The following ZNF594 variants were observed in gnomAD, a reference collection of about 807,000 sequenced individuals.
ZNF594 encodes the protein zinc finger protein 594, also known as zinc finger protein HZF18.
For synonymous variants in ZNF594, 336 were observed against 309.4 expected (o/e 1.09, Z -0.90); for missense variants, 1,037 against 964.6 (o/e 1.08, Z -0.99).
downstream of ZNF594, among the ~76,000 whole-genome samples, chr17:5,177,120 A>G (rs537556926): frequency 7.3e-5 from 11 of 151,536 alleles, no homozygotes; most frequent in East Asian, 9.7e-4. Flanking sequence ...GGCCTGAACC[A>G]GGGAGGCGGC....
intron 1 of ZNF594, among the ~76,000 whole-genome samples, chr17:5,187,905 T>TA (rs1555610760): frequency 2.0e-5 from 3 of 148,968 alleles, no homozygotes; most frequent in Admixed American, 6.7e-5. Flanking sequence ...TTTTTTTTTT[T>TA]AGAGATATGG....
chr17:5,176,283 T>C (rs1305838619), downstream of ZNF594, among the ~76,000 whole-genome samples: 1 of 149,800 alleles, frequency 6.7e-6, no homozygotes, highest in Non-Finnish European at 1.5e-5. Flanking sequence ...TAATCCCAGC[T>C]ACTTGGGAGG....
In ZNF594 at chr17:5,182,535, A is replaced by G. The variant is rs760277885; in HGVS notation, c.1722T>C (p.Gly574=). The G allele has an allele frequency of 3.1e-6, 5 of 1,613,452 alleles. No homozygotes were observed. The highest frequency in any genetic ancestry group is 4.2e-6 in the Non-Finnish European group (5 of 1,179,886). Residue 574 remains glycine, a synonymous_variant, in exon 2 of 2, where the codon GGT becomes GGC. Transcript: ENST00000575779. Reference sequence around the variant, plus strand: ...GGTCTGAGCTGCCCTGGAAAGCCCTACCACACTGATTACACCAATAAGCTT... The same window carrying G: ...GGTCTGAGCTGCCCTGGAAAGCCCTGCCACACTGATTACACCAATAAGCTT... ...EAKAYWCNQC[G]RAFQGSSDLI...
At chr17:5,178,206 C>A (rs184465443), downstream of ZNF594, among the ~76,000 whole-genome samples, 11 of 150,878 alleles carry the variant, frequency 7.3e-5, no homozygotes, top group Non-Finnish European at 1.6e-4. Context: ...ATGAATTAAA[C>A]CACATATGGA....
rs1337495159 is a variant in ZNF594, at chr17:5,183,316, T to C, written c.941A>G (p.Gln314Arg). Reference sequence around the variant, plus strand: ...GGGTTTCTCTCCACTGTGGAGTCTCTGGTGTTCAGTAAGGTGAGAATGCTG... The same window carrying C: ...GGGTTTCTCTCCACTGTGGAGTCTCCGGTGTTCAGTAAGGTGAGAATGCTG... ...FRQHSHLTEH[Q>R]RLHSGEKPYE... The change falls in exon 2 of 2, where the codon CAG (glutamine) becomes CGG (arginine). Residue 314 changes from glutamine to arginine, a missense_variant. Coordinates refer to ENST00000575779, the MANE Select transcript of ZNF594 (RefSeq NM_032530.2). The C allele has an allele frequency of 3.1e-6, 5 of 1,614,038 alleles. No homozygotes were observed. The highest frequency in any genetic ancestry group is 1.1e-5 in the South Asian group (1 of 91,082).
At position 5,181,677 on chromosome 17, in the gene ZNF594, A is replaced by ACAAG; in HGVS notation, c.*152_*155dup. Reference sequence around the variant, plus strand: ...TCCAGTGTGGATTTTCTGGTGTGTGACAAGGTGGGACCTCTGGCTAAAGAC... The same window carrying ACAAG: ...TCCAGTGTGGATTTTCTGGTGTGTGACAAGCAAGGTGGGACCTCTGGCTAAAGAC... On this transcript the variant is annotated 3_prime_UTR_variant, in exon 2 of 2. Transcript: ENST00000575779. 6.4e-7 allele frequency: 1 copy of ACAAG among 1,572,372 alleles called. No homozygotes were observed. The highest frequency in any genetic ancestry group is 8.8e-7 in the Non-Finnish European group (1 of 1,142,472).
Position 5,182,117 on chromosome 17 carries a change from C to T in ZNF594, c.2140G>A (p.Gly714Arg), listed in dbSNP as rs1309284673. The change falls in exon 2 of 2, where the codon GGG (glycine) becomes AGG (arginine). Residue 714 changes from glycine (G) to arginine (R), a missense_variant. By Grantham distance (125) the Gly-to-Arg change is moderately radical. Transcript: ENST00000575779. ...GCCGTGTGCCACATGAAGAGTTTCC[C>T]ACATTCCTTACATTCATAGGGTTTC... ...GEKPYECKEC[G>R]KLFMWHTAFL... 9.3e-6 allele frequency: 15 copies of T among 1,613,630 alleles called. No individual in the cohort carries two copies. The highest frequency in any genetic ancestry group is 1.1e-5 in the Non-Finnish European group (13 of 1,179,996).
At chr17:5,176,561 T>C (rs560362117), downstream of ZNF594, among the ~76,000 whole-genome samples, 1 of 151,366 alleles carries the variant, frequency 6.6e-6, no homozygotes, top group Admixed American at 6.6e-5. Flanking sequence ...TTTTTTTTTT[T>C]AAATAGAGAC....
chr17:5,178,633 A>G (rs80247870), downstream of ZNF594, among the ~76,000 whole-genome samples: 4,958 of 152,286 alleles, frequency 0.033, 273 homozygotes, highest in African/African-American at 0.11. Context: ...CACTAACTAC[A>G]TAAGTATGTA....
In ZNF594 at chr17:5,181,568, A is replaced by G. The variant is rs750193900; in HGVS notation, c.*265T>C. 5 of 1,613,666 alleles carry G rather than the reference A, an allele frequency of 3.1e-6. No individual in the cohort carries two copies. The South Asian group carries it at 3.3e-5, about 11-fold the overall frequency. Reference sequence around the variant, plus strand: ...ATTCCTTACATTCATAGGGTTTCTCACCACTATGAATTCTCCGACGTTGAA... The same window carrying G: ...ATTCCTTACATTCATAGGGTTTCTCGCCACTATGAATTCTCCGACGTTGAA... On this transcript the variant is annotated 3_prime_UTR_variant, in exon 2 of 2. Coordinates refer to ENST00000575779, the MANE Select transcript of ZNF594 (RefSeq NM_032530.2).
chr17:5,182,331 G>T lies in ZNF594; in HGVS notation c.1926C>A (p.His642Gln), dbSNP rs764886268. 6.2e-7 allele frequency: 1 copy of T among 1,613,340 alleles called. No individual in the cohort carries two copies. Among genetic ancestry groups the T allele is most frequent in the East Asian group, 2.2e-5 (1 of 44,810 alleles). ...SFRGSSDLIKHHRIHTGEKPY... is the reference protein window; with the variant it reads ...SFRGSSDLIKQHRIHTGEKPY... ...GTTTCTCTCCAGTATGAATACGATGGTGTTTAATAAGATCTGAGCTACCCC... is the reference window on the plus strand; with the variant it reads ...GTTTCTCTCCAGTATGAATACGATGTTGTTTAATAAGATCTGAGCTACCCC... Residue 642 changes from histidine to glutamine, a missense_variant, in exon 2 of 2, where the codon CAC becomes CAA. By Grantham distance (24) the His-to-Gln change is conservative. Coordinates refer to ENST00000575779, the MANE Select transcript of ZNF594 (RefSeq NM_032530.2).
downstream of ZNF594, among the ~76,000 whole-genome samples, chr17:5,178,034 T>C (rs1410024397): frequency 6.6e-6 from 1 of 150,988 alleles, no homozygotes; most frequent in Non-Finnish European, 1.5e-5. Flanking sequence ...TTTCTCAGAC[T>C]CTTCCAAAGA....
intron 1 of ZNF594, among the ~76,000 whole-genome samples, chr17:5,189,830 G>C (rs1228114112): frequency 6.6e-6 from 1 of 152,128 alleles, no homozygotes; most frequent in Non-Finnish European, 1.5e-5. Context: ...AAACAAATTA[G>C]ATTAGAAAAC....
chr17:5,183,829 A>C lies in ZNF594; in HGVS notation c.428T>G (p.Ile143Ser), dbSNP rs1248714925. The C allele has an allele frequency of 6.2e-7, 1 of 1,614,120 alleles. No individual in the cohort carries two copies. Among genetic ancestry groups the C allele is most frequent in the Admixed American group, 1.7e-5 (1 of 60,024 alleles). Residue 143 changes from isoleucine to serine, a missense_variant, in exon 2 of 2, where the codon ATC becomes AGC. Ile to Ser is a moderately radical substitution (Grantham distance 142). Coordinates refer to ENST00000575779, the MANE Select transcript of ZNF594 (RefSeq NM_032530.2). The stretch of plus-strand genomic sequence containing the variant: ...TCCTGTATGAATTCTCTGATGTATG[A>C]TCAGGTTTGAACTCCTGTTGAAGGT... ...EKTFNRSSNL[I>S]IHQRIHTGNK...
In ZNF594 at chr17:5,183,332, G is replaced by A; in HGVS notation, c.925C>T (p.His309Tyr). The A allele has an allele frequency of 3.1e-6, 5 of 1,613,782 alleles. No individual in the cohort carries two copies. Among genetic ancestry groups the A allele is most frequent in the Admixed American group, 1.7e-5 (1 of 60,006 alleles). The change falls in exon 2 of 2, where the codon CAC becomes TAC. Residue 309 changes from histidine to tyrosine, a missense_variant. His to Tyr is a moderately conservative substitution (Grantham distance 83). Transcript: ENST00000575779. ...ECEKAFRQHSHLTEHQRLHSG... is the reference protein window; with the variant it reads ...ECEKAFRQHSYLTEHQRLHSG... ...TGGAGTCTCTGGTGTTCAGTAAGGT[G>A]AGAATGCTGCCTGAAGGCTTTTTCA...
chr17:5,184,683 G>T (rs954896277), intron 1 of ZNF594, among the ~76,000 whole-genome samples: 6 of 152,182 alleles, frequency 3.9e-5, no homozygotes, highest in African/African-American at 1.4e-4. Flanking sequence ...AAGTTGATCT[G>T]CTAGCAGCCA....
Position 5,186,120 on chromosome 17 carries a change from G to A in ZNF594, c.-20-1844C>T, listed in dbSNP as rs116019886. 2.2e-3 allele frequency among the ~76,000 whole-genome samples: 341 copies of A among 152,254 alleles called. 1 individual carries two copies. The highest frequency in any genetic ancestry group is 7.8e-3 in the African/African-American group (324 of 41,544). The stretch of plus-strand genomic sequence containing the variant: ...AGTAGGGACTCCATATGGTGGCTTC[G>A]ACCCCACATTTCCCTTCTGCAGTGC... On this transcript the variant is annotated intron_variant, in intron 1 of 1. Coordinates refer to ENST00000575779, the MANE Select transcript of ZNF594 (RefSeq NM_032530.2).
At chr17:5,185,703 T>C (rs1245825033) in intron 1 of ZNF594, among the ~76,000 whole-genome samples, 2 of 152,226 alleles carry the variant, frequency 1.3e-5, no homozygotes, top group Admixed American at 6.5e-5. Context: ...AAAAGCAAGC[T>C]AGTTACTTCC....
chr17:5,184,377 C>A (rs1005935190), intron 1 of ZNF594, 101 bp from the exon 2 acceptor site: 23 of 1,156,888 alleles, frequency 2.0e-5, no homozygotes, highest in Non-Finnish European at 2.7e-5. Flanking sequence ...ACTCAGAAGA[C>A]CTTTCCCTGC....
Sources: allele counts gnomAD v4.1 joint callset (sites outside exome capture counted in the v4.1 genomes callset), GRCh38; gene constraint gnomAD v4.1.1; transcripts MANE v1.5; gene names NCBI Gene and HGNC (gene_info 2026-07-23, HGNC 2026-07-21).